Variants in SRRM4 observed in about 807,000 individuals in gnomAD.
SRRM4 encodes the protein serine/arginine repetitive matrix protein 4.
SRRM4 carries 33 observed loss-of-function variants against 68.9 expected under a neutral mutation model. That is an observed-to-expected ratio of 0.48 (90% CI 0.36 to 0.64). The LOEUF is 0.64. Ranked by LOEUF, SRRM4 falls within the 30% of genes least tolerant of loss-of-function variation. SRRM4 has a pLI of 0.00. For missense variants in SRRM4, 817 were observed against 827.1 expected, an observed-to-expected ratio of 0.99 and a Z score of 0.15; for synonymous variants, 318 against 318.8, an observed-to-expected ratio of 1.00 and a Z score of 0.03.
At chr12:119,048,382 G>A (rs1211770027) in intron 1 of SRRM4, among the ~76,000 whole-genome samples, 4 of 152,080 alleles carry the variant, frequency 2.6e-5, no homozygotes, top group South Asian at 2.1e-4. Flanking sequence ...CATATTTAGC[G>A]AGCCCATGTG....
At chr12:119,098,894 A>G (rs937570768) in intron 1 of SRRM4, among the ~76,000 whole-genome samples, 1 of 152,094 alleles carries the variant, frequency 6.6e-6, no homozygotes, top group Non-Finnish European at 1.5e-5. Flanking sequence ...TTGCTACTAC[A>G]CTGATCGGAG....
intron 7 of SRRM4, among the ~76,000 whole-genome samples, chr12:119,129,872 A>AATGGATGGATGGATGGATGGATGG (rs112594447): frequency 2.2e-5 from 3 of 136,884 alleles, no homozygotes; most frequent in African/African-American, 8.3e-5. Flanking sequence ...TAGTTGGACA[A>AATGGATGGATGGATGGATGGATGG]ATGGATGGAT....
At chr12:119,117,779 G>A (rs1954190414) in intron 4 of SRRM4, among the ~76,000 whole-genome samples, 1 of 152,218 alleles carries the variant, frequency 6.6e-6, no homozygotes, top group African/African-American at 2.4e-5. Context: ...AGGTGTGGTG[G>A]CACGTGCCTG....
chr12:119,050,297 T>G (rs1251139000), intron 1 of SRRM4, among the ~76,000 whole-genome samples: 1 of 152,246 alleles, frequency 6.6e-6, no homozygotes, highest in East Asian at 1.9e-4. Context: ...CTGGATCTGT[T>G]CTGGATTTGT....
At position 119,042,891 on chromosome 12, in the gene SRRM4, A is replaced by G. The variant is rs1285585566; in HGVS notation, c.132-59345A>G. ...AGGTGAGGGAAAGTATAAATACAGC[A>G]AAGAGGCTGGCAAGGCTGCGGAGAA... On this transcript the variant is annotated intron_variant, in intron 1 of 12. Coordinates refer to ENST00000267260, the MANE Select transcript of SRRM4 (RefSeq NM_194286.4). 2.0e-5 allele frequency among the ~76,000 whole-genome samples: 3 copies of G among 152,172 alleles called. No individual in the cohort carries two copies. The East Asian group carries it at 5.8e-4, about 29-fold the overall frequency.
intron 3 of SRRM4, among the ~76,000 whole-genome samples, chr12:119,114,827 G>A (rs1039641562): frequency 1.3e-5 from 2 of 151,696 alleles, no homozygotes. Flanking sequence ...ACCACGCCAG[G>A]CTAATTTTTT....
intron 8 of SRRM4, among the ~76,000 whole-genome samples, chr12:119,136,702 A>T (rs1236669217): frequency 1.3e-5 from 2 of 152,132 alleles, no homozygotes; most frequent in Non-Finnish European, 2.9e-5. Context: ...TCTTGTTTCA[A>T]TTTGGGCTGG....
At chr12:119,090,291 CAAGA>C (rs1032358063) in intron 1 of SRRM4, among the ~76,000 whole-genome samples, 3 of 152,028 alleles carry the variant, frequency 2.0e-5, no homozygotes, top group African/African-American at 7.3e-5. Flanking sequence ...ATGGAATTCA[CAAGA>C]AAGAAAGCCT....
chr12:119,130,161 A>C (rs1699855356), intron 7 of SRRM4, among the ~76,000 whole-genome samples: 1 of 151,296 alleles, frequency 6.6e-6, no homozygotes, highest in Non-Finnish European at 1.5e-5. Context: ...GGATGGATAG[A>C]TGAATGAATG....
intron 1 of SRRM4, among the ~76,000 whole-genome samples, chr12:118,983,376 G>A (rs1020994860): frequency 2.0e-5 from 3 of 152,168 alleles, no homozygotes; most frequent in Non-Finnish European, 2.9e-5. Flanking sequence ...CGGGAAGGAG[G>A]GGACACCCAC....
intron 1 of SRRM4, among the ~76,000 whole-genome samples, chr12:119,041,184 G>T (rs965592542): frequency 6.6e-6 from 1 of 152,128 alleles, no homozygotes; most frequent in African/African-American, 2.4e-5. Context: ...GGAAACCAAG[G>T]CACAGAGAGG....
At chr12:119,104,795 T>A (rs927359659) in intron 2 of SRRM4, among the ~76,000 whole-genome samples, 3 of 152,124 alleles carry the variant, frequency 2.0e-5, no homozygotes, top group Non-Finnish European at 2.9e-5. Context: ...TTGGAACCAC[T>A]GCATACTTAA....
chr12:119,006,245 C>T (rs1953415528), intron 1 of SRRM4, among the ~76,000 whole-genome samples: 1 of 152,160 alleles, frequency 6.6e-6, no homozygotes, highest in Admixed American at 6.5e-5. Context: ...CTGCTCTCAA[C>T]TTAACTCTTT....
In SRRM4 at chr12:119,087,090, C is replaced by A. The variant is rs145616027; in HGVS notation, c.132-15146C>A. Among the ~76,000 whole-genome samples the A allele has an allele frequency of 2.4e-3, 365 of 152,296 alleles. 2 individuals carry two copies. The highest frequency in any genetic ancestry group is 4.4e-3 in the Admixed American group (67 of 15,298). On this transcript the variant is annotated intron_variant, in intron 1 of 12. Coordinates refer to ENST00000267260, the MANE Select transcript of SRRM4 (RefSeq NM_194286.4). Reference sequence around the variant, plus strand: ...AAAACCATGGACTCTGGAGTCAGATCGTCTGGGTTCAAATTCCTTCTCTAC... The same window carrying A: ...AAAACCATGGACTCTGGAGTCAGATAGTCTGGGTTCAAATTCCTTCTCTAC...
chr12:119,138,780 G>C (rs900902782), intron 8 of SRRM4, among the ~76,000 whole-genome samples: 1 of 152,128 alleles, frequency 6.6e-6, no homozygotes, highest in East Asian at 1.9e-4. Context: ...AGATTAGACA[G>C]GCATTATTTC....
At chr12:118,986,036 C>T (rs1164485732) in intron 1 of SRRM4, among the ~76,000 whole-genome samples, 1 of 152,090 alleles carries the variant, frequency 6.6e-6, no homozygotes, top group African/African-American at 2.4e-5. Flanking sequence ...AGACTTCAGC[C>T]CAGGCCCTGT....
At chr12:118,990,070 A>T (rs1042860950) in intron 1 of SRRM4, 1 of 152,192 alleles carries the variant, frequency 6.6e-6, no homozygotes, top group Non-Finnish European at 1.5e-5. Context: ...TCTCTTATCC[A>T]GTTCTGTACT....
At chr12:119,004,547 T>G (rs537346235) in intron 1 of SRRM4, among the ~76,000 whole-genome samples, 11 of 151,972 alleles carry the variant, frequency 7.2e-5, no homozygotes, top group Non-Finnish European at 1.3e-4. Flanking sequence ...TCCTCCATTT[T>G]CCATCCTGCA....
At chr12:119,125,348 C>G in intron 6 of SRRM4, 33 bp from the exon 7 acceptor site, 3 of 1,581,136 alleles carry the variant, frequency 1.9e-6, no homozygotes, top group Non-Finnish European at 2.6e-6. Context: ...TCTCTCTCCT[C>G]TCCTCTGACT....
Sources: gnomAD v4.1 joint callset for allele counts (sites outside exome capture counted in the v4.1 genomes callset) on GRCh38, gnomAD v4.1.1 for gene constraint, MANE v1.5 for transcripts, NCBI Gene and HGNC (gene_info 2026-07-23, HGNC 2026-07-21) for gene names.